CDH4: variants seen among roughly 807,000 people sequenced by gnomAD.
CDH4 encodes cadherin-4.
In CDH4, 33 loss-of-function variants were observed where a neutral mutation model predicts 86.0. That is an observed-to-expected ratio of 0.38 (90% CI 0.29 to 0.51). The LOEUF (loss-of-function observed/expected upper bound fraction) is 0.51, where lower values mean the gene tolerates loss of function less well. CDH4 is among the 20% of genes least tolerant of loss of function. CDH4 has a pLI of 0.86. For synonymous variants in CDH4, 555 were observed against 549.4 expected (o/e 1.01, Z -0.14); for missense variants, 1,114 against 1,307.4 (o/e 0.85, Z 2.28).
Position 61,394,022 on chromosome 20 carries a change from T to C in CDH4, c.169+139085T>C, listed in dbSNP as rs1212891808. Among the ~76,000 whole-genome samples, 15 of 152,334 alleles carry C rather than the reference T, an allele frequency of 9.8e-5. No homozygotes were observed. In the East Asian group the frequency reaches 2.1e-3, roughly 22 times the overall value. ...AGAAGACGTATAATACAAATACTTA[T>C]ATAAATCATTGCATTGTTATTATTC... On this transcript the variant is annotated intron_variant, in intron 2 of 15. Transcript: ENST00000614565.
chr20:61,591,724 T>C (rs1157987000), intron 2 of CDH4, among the ~76,000 whole-genome samples: 1 of 152,260 alleles, frequency 6.6e-6, no homozygotes, highest in African/African-American at 2.4e-5. Context: ...GTTCTCTGAA[T>C]GGATCTTTAA....
chr20:61,783,847 A>G (rs67000361), intron 4 of CDH4, among the ~76,000 whole-genome samples: 2,749 of 17,152 alleles, frequency 0.16, 265 homozygotes, highest in African/African-American at 0.34. Flanking sequence ...GACAGTTCTC[A>G]AGGCCCTCAG....
chr20:61,559,519 CTTTTTTTT>C (rs1156864328), intron 2 of CDH4, among the ~76,000 whole-genome samples: 2 of 105,162 alleles, frequency 1.9e-5, no homozygotes, highest in South Asian at 6.7e-4. Context: ...ATTTTTTTTT[CTTTTTTTT>C]TTTTTTTTTT....
At position 61,619,422 on chromosome 20, in the gene CDH4, A is replaced by G. The variant is rs560966071; in HGVS notation, c.170-124141A>G. On this transcript the variant is annotated intron_variant, in intron 2 of 15. Transcript: ENST00000614565. ...GAAGCCCCAGTATCTATTTTTTAAA[A>G]CGCAAATAATTTTTTTTCATTCCCT... 3.3e-5 allele frequency among the ~76,000 whole-genome samples: 5 copies of G among 152,332 alleles called. No individual in the cohort carries two copies. The South Asian group carries it at 8.3e-4, about 25-fold the overall frequency.
chr20:61,511,549 C>T (rs2085779926), intron 2 of CDH4, among the ~76,000 whole-genome samples: 1 of 152,246 alleles, frequency 6.6e-6, no homozygotes, highest in Non-Finnish European at 1.5e-5. Flanking sequence ...TCTGCTTTGA[C>T]CAGCAGCGGG....
At chr20:61,667,248 T>C (rs1182416631) in intron 2 of CDH4, among the ~76,000 whole-genome samples, 1 of 152,216 alleles carries the variant, frequency 6.6e-6, no homozygotes, top group African/African-American at 2.4e-5. Flanking sequence ...ACCAGGTATG[T>C]GGAGAAACAG....
chr20:61,740,132 G>A (rs1026732836), intron 2 of CDH4, among the ~76,000 whole-genome samples: 13 of 152,208 alleles, frequency 8.5e-5, no homozygotes, highest in African/African-American at 3.1e-4. Context: ...AGAATGGAAC[G>A]TGCTGAGGTT....
intron 2 of CDH4, among the ~76,000 whole-genome samples, chr20:61,550,662 C>T (rs1033646374): frequency 1.7e-4 from 26 of 152,214 alleles, no homozygotes; most frequent in Admixed American, 5.2e-4. Context: ...CACACCCACC[C>T]AAGGCCCTTC....
At position 61,352,554 on chromosome 20, in the gene CDH4, G is replaced by A. The variant is rs2084718973; in HGVS notation, c.169+97617G>A. Among the ~76,000 whole-genome samples the A allele has an allele frequency of 1.3e-5, 2 of 152,242 alleles. 1 individual carries two copies. The highest frequency in any genetic ancestry group is 4.1e-4 in the South Asian group (2 of 4,828). ...GCCTCTCCGGTGCGCGGGACGTCCA[G>A]CCCTTTTCGTTTCTGACCTGGTGGA... On this transcript the variant is annotated intron_variant, in intron 2 of 15. Transcript: ENST00000614565.
rs2087549261 is a variant in CDH4, at chr20:61,684,162, C to T, written c.170-59401C>T. Among the ~76,000 whole-genome samples, 2 of 152,212 alleles carry T rather than the reference C, an allele frequency of 1.3e-5. No individual in the cohort carries two copies. Among genetic ancestry groups the T allele is most frequent in the African/African-American group, 4.8e-5 (2 of 41,450 alleles). ...AAGCCTCTGCCCTCTGGATGCCAAA[C>T]ATTCTAGAAACCCCCAAAGGAATAA... On this transcript the variant is annotated intron_variant, in intron 2 of 15. Coordinates refer to ENST00000614565, the MANE Select transcript of CDH4 (RefSeq NM_001794.5). This position sits in a 1 kb window ranked among gnomAD's most constrained non-coding sequence, Gnocchi z 4.5.
chr20:61,791,303 A>T (rs1375844496), intron 4 of CDH4, among the ~76,000 whole-genome samples: 1 of 152,276 alleles, frequency 6.6e-6, no homozygotes, highest in Non-Finnish European at 1.5e-5. Context: ...CCTAGCCCTG[A>T]GGAAGATTTT....
At chr20:61,584,236 G>T (rs1400434820) in intron 2 of CDH4, among the ~76,000 whole-genome samples, 1 of 152,164 alleles carries the variant, frequency 6.6e-6, no homozygotes, top group African/African-American at 2.4e-5. Context: ...GTCTCTAAAT[G>T]TTGCAGCCTC....
chr20:61,546,366 G>T (rs554747744), intron 2 of CDH4, among the ~76,000 whole-genome samples: 1 of 151,352 alleles, frequency 6.6e-6, no homozygotes. Flanking sequence ...ATGCATGTGG[G>T]TGTAGGGGTG....
At chr20:61,906,865 T>C (rs1263217420) in intron 8 of CDH4, among the ~76,000 whole-genome samples, 1 of 151,916 alleles carries the variant, frequency 6.6e-6, no homozygotes, top group Non-Finnish European at 1.5e-5. Flanking sequence ...CGTCTGTGTG[T>C]TCATGGCATC....
At chr20:61,790,572 ATCTG>A (rs1193285702) in intron 4 of CDH4, among the ~76,000 whole-genome samples, 1 of 148,366 alleles carries the variant, frequency 6.7e-6, no homozygotes, top group East Asian at 2.0e-4. Flanking sequence ...CCATCTATTT[ATCTG>A]TCTAACCATT....
intron 7 of CDH4, among the ~76,000 whole-genome samples, chr20:61,878,450 G>T (rs576181174): frequency 5.0e-4 from 76 of 152,226 alleles, no homozygotes; most frequent in Admixed American, 1.7e-3. Flanking sequence ...TCATTTCCAC[G>T]TTATTTTCCT....
chr20:61,666,788 G>T (rs746409304), intron 2 of CDH4, among the ~76,000 whole-genome samples: 1 of 152,214 alleles, frequency 6.6e-6, no homozygotes, highest in Non-Finnish European at 1.5e-5. Context: ...CGGCCACAGT[G>T]GCAGGAAGCT....
intron 2 of CDH4, among the ~76,000 whole-genome samples, chr20:61,307,983 C>A (rs2123217304): frequency 6.6e-6 from 1 of 152,322 alleles, no homozygotes; most frequent in African/African-American, 2.4e-5. Context: ...TATGTGGTGA[C>A]TGCCCACTGA....
intron 2 of CDH4, among the ~76,000 whole-genome samples, chr20:61,578,143 G>A (rs2086398257): frequency 2.0e-5 from 3 of 152,270 alleles, no homozygotes; most frequent in Middle Eastern, 6.8e-3. Context: ...TGTCACCTGG[G>A]AAGGGCCAGA....
Sources: gnomAD v4.1 joint callset for allele counts (sites outside exome capture counted in the v4.1 genomes callset) on GRCh38, gnomAD v4.1.1 for gene constraint, Gnocchi (gnomAD v3.1) non-coding constraint, MANE v1.5 for transcripts, NCBI Gene and HGNC (gene_info 2026-07-23, HGNC 2026-07-21) for gene names.